The following PHF21A variants were observed in gnomAD, a reference collection of about 807,000 sequenced individuals.
The protein encoded by PHF21A is BHC80a.
PHF21A carries 11 observed loss-of-function variants against 82.5 expected under a neutral mutation model. The observed-to-expected ratio is 0.13, with a 90% confidence interval of 0.08 to 0.22. The LOEUF is 0.22. PHF21A is among the 10% of genes least tolerant of loss of function. The pLI is 1.00. For synonymous variants in PHF21A, 297 were observed against 302.8 expected (o/e 0.98, Z 0.20); for missense variants, 579 against 837.8 (o/e 0.69, Z 3.81).
At position 45,930,116 on chromosome 11, in the gene PHF21A, A is replaced by G. The variant is rs1001211855; in HGVS notation, c.*3852T>C. 2 of 152,352 alleles carry G rather than the reference A, an allele frequency of 1.3e-5. No homozygotes were observed. Among genetic ancestry groups the G allele is most frequent in the Non-Finnish European group, 2.9e-5 (2 of 68,114 alleles). 9.4% of individuals were successfully genotyped at this position (152,352 alleles called of 1,614,324 possible). ...AGATAAATAAGAAGGACCACGCCCT[A>G]TAAGAGAATGAAGAGAGGAAACCAC... On this transcript the variant is annotated 3_prime_UTR_variant, in exon 19 of 19. Transcript: ENST00000676320.
intron 13 of PHF21A, 115 bp from the exon 14 acceptor site, chr11:45,949,061 A>G (rs1013175973): frequency 1.2e-6 from 1 of 842,590 alleles, no homozygotes; most frequent in African/African-American, 1.7e-5. Flanking sequence ...AGTTAGTGCT[A>G]ATCATCCTAA....
At chr11:45,969,695 G>T in intron 9 of PHF21A, 120 bp downstream of exon 9, 1 of 660,842 alleles carries the variant, frequency 1.5e-6, no homozygotes, top group Non-Finnish European at 2.7e-6. Context: ...CAGTCAGAAT[G>T]TTTAGCTAAG....
intron 3 of PHF21A, 105 bp from the exon 4 acceptor site, chr11:46,084,407 G>T: frequency 2.3e-6 from 1 of 434,936 alleles, no homozygotes; most frequent in Non-Finnish European, 3.9e-6. Context: ...TCTAACGCAG[G>T]GCAAGAAATT....
chr11:45,984,831 C>T (rs2094439209), intron 6 of PHF21A, among the ~76,000 whole-genome samples: 1 of 152,210 alleles, frequency 6.6e-6, no homozygotes, highest in Non-Finnish European at 1.5e-5. Context: ...TTGTGCTCTA[C>T]ATGGCAGTAT....
At chr11:46,064,122 A>C (rs1185688143) in intron 6 of PHF21A, among the ~76,000 whole-genome samples, 2 of 152,178 alleles carry the variant, frequency 1.3e-5, no homozygotes, top group Non-Finnish European at 2.9e-5. Context: ...AGGAGTTGTT[A>C]ATTTTTTCCC....
chr11:46,000,572 A>C (rs2095086901), intron 6 of PHF21A, among the ~76,000 whole-genome samples: 2 of 152,208 alleles, frequency 1.3e-5, no homozygotes, highest in Non-Finnish European at 2.9e-5. Context: ...ATGATCTGTC[A>C]AATTCAATTG....
chr11:45,982,127 T>C (rs2094323872), intron 6 of PHF21A, among the ~76,000 whole-genome samples: 1 of 152,066 alleles, frequency 6.6e-6, no homozygotes, highest in Non-Finnish European at 1.5e-5. Context: ...CAGCTAATTT[T>C]TTTATTTTTT....
chr11:46,019,763 C>T (rs2095593989), intron 6 of PHF21A, among the ~76,000 whole-genome samples: 1 of 152,128 alleles, frequency 6.6e-6, no homozygotes, highest in African/African-American at 2.4e-5. Flanking sequence ...GACAGTTAAA[C>T]AGTAGCTCTG....
chr11:45,965,218 G>T, intron 10 of PHF21A, 97 bp downstream of exon 10: 2 of 992,168 alleles, frequency 2.0e-6, no homozygotes, highest in Non-Finnish European at 3.0e-6. Flanking sequence ...GTGGTGAGAT[G>T]AAGAGCCCTT....
intron 6 of PHF21A, among the ~76,000 whole-genome samples, chr11:46,019,250 T>C (rs1440579388): frequency 6.6e-6 from 1 of 152,208 alleles, no homozygotes; most frequent in Non-Finnish European, 1.5e-5. Context: ...AGAATGTCGC[T>C]TTTAATGGTA....
chr11:45,979,199 A>G (rs1291205461), intron 7 of PHF21A, among the ~76,000 whole-genome samples: 1 of 151,926 alleles, frequency 6.6e-6, no homozygotes, highest in Non-Finnish European at 1.5e-5. Context: ...TTGTATTTTT[A>G]GTAGAAATGA....
At chr11:46,106,931 G>T (rs752978752) in intron 1 of PHF21A, among the ~76,000 whole-genome samples, 3 of 152,152 alleles carry the variant, frequency 2.0e-5, no homozygotes, top group Admixed American at 1.3e-4. Flanking sequence ...AGAAAGAAAG[G>T]CTGTTTCTTT....
At position 46,084,304 on chromosome 11, in the gene PHF21A, T is replaced by C; in HGVS notation, c.-83-2A>G. 2.2e-6 allele frequency: 2 copies of C among 897,906 alleles called. No individual in the cohort carries two copies. The highest frequency in any genetic ancestry group is 1.7e-6 in the Non-Finnish European group (1 of 583,064). The allele number at this position is 897,906 out of a possible 1,614,324, so 55.6% of individuals were successfully genotyped here. A position where few individuals can be genotyped will look rare whatever the true frequency, so the allele number is the denominator to read the frequency against. ...AACAAACTCCTCTTCTCACTGCAGC[T>C]GTAAAGATCATAAAATGTTTTGGAT... On this transcript the variant is annotated splice_acceptor_variant, in intron 3 of 18. Transcript: ENST00000676320. LOFTEE classifies it low-confidence loss of function (5UTR_SPLICE).
intron 9 of PHF21A, among the ~76,000 whole-genome samples, chr11:45,966,923 C>A (rs1031884392): frequency 6.6e-6 from 1 of 152,192 alleles, no homozygotes; most frequent in Non-Finnish European, 1.5e-5. Flanking sequence ...AGCCATAAGC[C>A]AGTATTTTTC....
intron 6 of PHF21A, among the ~76,000 whole-genome samples, chr11:46,023,736 G>A (rs538388140): frequency 1.6e-4 from 25 of 152,242 alleles, no homozygotes; most frequent in East Asian, 1.5e-3. Context: ...TGGGCGGATC[G>A]CCTGAGGTCA....
intron 1 of PHF21A, chr11:46,117,016 G>A (rs1482274111): frequency 6.6e-6 from 1 of 152,144 alleles, no homozygotes; most frequent in African/African-American, 2.4e-5. Context: ...CACTTTAAAT[G>A]TATTACTTTC....
At chr11:46,055,964 G>A (rs1379785238) in intron 6 of PHF21A, among the ~76,000 whole-genome samples, 1 of 152,126 alleles carries the variant, frequency 6.6e-6, no homozygotes, top group Non-Finnish European at 1.5e-5. Flanking sequence ...GCTGCCACCA[G>A]GAGGTTCCTT....
chr11:46,044,313 G>A (rs868736484), intron 6 of PHF21A, among the ~76,000 whole-genome samples: 7 of 151,926 alleles, frequency 4.6e-5, no homozygotes, highest in African/African-American at 1.5e-4. Flanking sequence ...GAAAAAAAAA[G>A]AAAATTCATG....
intron 6 of PHF21A, among the ~76,000 whole-genome samples, chr11:45,999,017 G>C (rs1184445517): frequency 6.6e-6 from 1 of 151,744 alleles, no homozygotes; most frequent in Non-Finnish European, 1.5e-5. Context: ...TGCACAGACA[G>C]GGTTTCACCA....
Sources: allele counts gnomAD v4.1 joint callset (sites outside exome capture counted in the v4.1 genomes callset), GRCh38; gene constraint gnomAD v4.1.1; transcripts MANE v1.5; gene names NCBI Gene and HGNC (gene_info 2026-07-23, HGNC 2026-07-21).